Variants in LIPJ observed in about 807,000 individuals in gnomAD.
The protein encoded by LIPJ is lipase family member J.
A neutral mutation model predicts 39.8 loss-of-function variants in LIPJ; 33 were observed. The observed-to-expected ratio is 0.83, with a 90% CI of 0.63 to 1.11. The LOEUF (loss-of-function observed/expected upper bound fraction) is 1.11, where lower values mean the gene tolerates loss of function less well. Among genes scored for constraint, LIPJ ranks in the 50% least tolerant of loss-of-function variants. The pLI is 0.00. For missense variants in LIPJ, 422 were observed against 427.9 expected (o/e 0.99, Z 0.12); for synonymous variants, 128 against 139.2 (o/e 0.92, Z 0.57).
upstream of LIPJ, chr10:88,583,159 A>C (rs953632688): frequency 6.2e-7 from 1 of 1,614,064 alleles, no homozygotes; most frequent in Admixed American, 1.7e-5. Flanking sequence ...GCTTCCTGTC[A>C]TCCCGGCGCC....
At chr10:88,617,057 A>C in the LIPJ span, among the ~76,000 whole-genome samples, 27 of 152,132 alleles carry the variant, frequency 1.8e-4, no homozygotes, top group Non-Finnish European at 7.3e-5. Flanking sequence ...TTTTGTAAAG[A>C]AGAAACCTAA....
the LIPJ span, among the ~76,000 whole-genome samples, chr10:88,613,800 A>ATATATATATATATATATGTGTGTG: frequency 2.0e-4 from 15 of 74,136 alleles, no homozygotes; most frequent in Admixed American, 5.1e-4. Flanking sequence ...ATATATATAT[A>ATATATATATATATATATGTGTGTG]TGTGTGTGTG....
the LIPJ span, among the ~76,000 whole-genome samples, chr10:88,615,643 AAAAAAAAAC>A: frequency 3.3e-5 from 5 of 150,724 alleles, no homozygotes; most frequent in East Asian, 1.9e-4. Flanking sequence ...AAAAAAAAAA[AAAAAAAAAC>A]AGAAAGAAAT....
the LIPJ span, among the ~76,000 whole-genome samples, chr10:88,622,632 A>C: frequency 1.3e-5 from 2 of 152,172 alleles, no homozygotes; most frequent in South Asian, 4.1e-4. Context: ...CAAAGCACTA[A>C]GGGGAGGATG....
At chr10:88,607,354 GA>G (rs746702394), downstream of LIPJ, among the ~76,000 whole-genome samples, 9 of 152,268 alleles carry the variant, frequency 5.9e-5, no homozygotes, top group East Asian at 7.7e-4. Flanking sequence ...AAAAGAAAAA[GA>G]AGGAGAGCCT....
chr10:88,592,218 T>A (rs1851102901), intron 4 of LIPJ: 4 of 152,014 alleles, frequency 2.6e-5, no homozygotes, highest in Admixed American at 2.0e-4. Context: ...AGAGAGGATA[T>A]TAATTTGAAA....
chr10:88,606,960 AT>A (rs1564941352), exon 11 of LIPJ: 1 of 1,383,280 alleles, frequency 7.2e-7, no homozygotes, highest in East Asian at 2.5e-5. Context: ...ATGAAATCCA[AT>A]TCTTATTTTT....
chr10:88,596,693 A>C (rs904429836), intron 7 of LIPJ, 97 bp from the exon 8 acceptor site: 3 of 1,147,518 alleles, frequency 2.6e-6, no homozygotes, highest in Non-Finnish European at 3.8e-6. Context: ...CTACTGTGAG[A>C]TAATTTATTT....
downstream of LIPJ, among the ~76,000 whole-genome samples, chr10:88,611,662 G>A (rs1851754001): frequency 6.6e-6 from 1 of 152,154 alleles, no homozygotes; most frequent in Admixed American, 6.5e-5. Context: ...GCAGAAGAAA[G>A]AACTTCAGAG....
At chr10:88,608,010 A>T (rs1287297605), downstream of LIPJ, among the ~76,000 whole-genome samples, 2 of 152,246 alleles carry the variant, frequency 1.3e-5, no homozygotes, top group East Asian at 3.8e-4. Flanking sequence ...TCTAGCAGAC[A>T]GAGAAAAATA....
rs975158488 is a variant in LIPJ at position 88,600,958 on chromosome 10, A to AT, written c.724-1610dup. 3.3e-5 allele frequency among the ~76,000 whole-genome samples: 5 copies of AT among 151,320 alleles called. No individual in the cohort carries two copies. The East Asian group carries it at 7.8e-4, about 24-fold the overall frequency. Reference sequence around the variant, plus strand: ...TATTTTATCTTATTTTTTATTTTTTATTTTTTTTGAGACAGAGTTTTGCTG... The same window carrying AT: ...TATTTTATCTTATTTTTTATTTTTTATTTTTTTTTGAGACAGAGTTTTGCTG... On this transcript the variant is annotated intron_variant, in intron 8 of 10. Transcript: ENST00000371939.
intron 9 of LIPJ, among the ~76,000 whole-genome samples, chr10:88,604,706 T>C (rs1167552353): frequency 6.6e-6 from 1 of 152,164 alleles, no homozygotes; most frequent in African/African-American, 2.4e-5. Flanking sequence ...ATGAAGGTTT[T>C]GGAGGAAAGG....
At chr10:88,611,398 G>A (rs1056269009), downstream of LIPJ, among the ~76,000 whole-genome samples, 4 of 152,116 alleles carry the variant, frequency 2.6e-5, no homozygotes, top group African/African-American at 4.8e-5. Context: ...ACCAGCAATG[G>A]ATCCAAACCA....
At chr10:88,597,936 T>C (rs1564935251) in intron 8 of LIPJ, among the ~76,000 whole-genome samples, 1 of 151,998 alleles carries the variant, frequency 6.6e-6, no homozygotes, top group Non-Finnish European at 1.5e-5. Context: ...TTTTTGTAAT[T>C]ATAATGTGAT....
intron 4 of LIPJ, chr10:88,593,283 T>C (rs887232399): frequency 1.3e-5 from 2 of 151,888 alleles, no homozygotes; most frequent in African/African-American, 4.8e-5. Context: ...CCTCTAGATA[T>C]GTAGAGGCTA....
At chr10:88,609,064 T>C (rs190572575), downstream of LIPJ, among the ~76,000 whole-genome samples, 14 of 152,298 alleles carry the variant, frequency 9.2e-5, no homozygotes, top group East Asian at 2.7e-3. Context: ...CTGTGGAGTA[T>C]ACTTTTGTTT....
At chr10:88,603,483 T>C (rs572953552) in intron 9 of LIPJ, among the ~76,000 whole-genome samples, 16 of 152,288 alleles carry the variant, frequency 1.1e-4, no homozygotes, top group Admixed American at 9.8e-4. Flanking sequence ...AAAAATCCAG[T>C]GTGAATGCAA....
the LIPJ span, among the ~76,000 whole-genome samples, chr10:88,622,942 C>G: frequency 6.6e-6 from 1 of 152,038 alleles, no homozygotes; most frequent in Non-Finnish European, 1.5e-5. Context: ...GATCATGATT[C>G]AAATTTTTAA....
the LIPJ span, among the ~76,000 whole-genome samples, chr10:88,622,051 G>A: frequency 2.0e-5 from 3 of 152,178 alleles, no homozygotes; most frequent in Non-Finnish European, 4.4e-5. Context: ...AGCTTCGAGT[G>A]TTGACTGCTA....
Sources: gnomAD v4.1 joint callset for allele counts (sites outside exome capture counted in the v4.1 genomes callset) on GRCh38, gnomAD v4.1.1 for gene constraint, MANE v1.5 for transcripts, NCBI Gene and HGNC (gene_info 2026-07-23, HGNC 2026-07-21) for gene names.